The following PGF variants were observed in gnomAD, a reference collection of about 807,000 sequenced individuals.
The protein encoded by PGF is placenta growth factor.
PGF carries 11 observed loss-of-function variants against 25.3 expected under a neutral mutation model. The observed-to-expected ratio is 0.43, with a 90% confidence interval of 0.27 to 0.72. PGF has a LOEUF of 0.72. Among genes scored for constraint, PGF ranks in the 30% least tolerant of loss-of-function variants. The pLI, the probability that PGF is intolerant of heterozygous loss-of-function variation, is 0.18. For missense variants in PGF, 230 were observed against 234.9 expected (o/e 0.98, Z 0.14); for synonymous variants, 105 against 97.9 (o/e 1.07, Z -0.43).
upstream of PGF, chr14:74,955,738 G>A (rs1888978489): frequency 6.6e-6 from 1 of 152,062 alleles, no homozygotes; most frequent in Admixed American, 6.6e-5. This position sits in a 1 kb window ranked among gnomAD's most constrained non-coding sequence, Gnocchi z 4.1. Context: ...CCAGCCCGCA[G>A]CGCCGGAGCC....
intron 4 of PGF, 65 bp downstream of exon 4, chr14:74,948,442 C>T: frequency 9.7e-7 from 1 of 1,033,438 alleles, no homozygotes; most frequent in Non-Finnish European, 1.5e-6. Context: ...TGGGACCCAT[C>T]TTTGCTGAGG....
chr14:74,946,945 G>C (rs1279103170), intron 4 of PGF: 2 of 710,336 alleles, frequency 2.8e-6, no homozygotes, highest in East Asian at 5.0e-5. Flanking sequence ...TCCCAGGGCT[G>C]TGGCTGTTGG....
chr14:74,952,081 G>A (rs1280906217), intron 2 of PGF, among the ~76,000 whole-genome samples: 1 of 151,910 alleles, frequency 6.6e-6, no homozygotes, highest in Non-Finnish European at 1.5e-5. Flanking sequence ...GGGCTGGGTG[G>A]TCCCCAGGGC....
chr14:74,948,859 G>T (rs909227451), intron 3 of PGF, among the ~76,000 whole-genome samples: 5 of 152,160 alleles, frequency 3.3e-5, no homozygotes, highest in African/African-American at 9.7e-5. Context: ...TTCAGATCTT[G>T]ACTCTTTTAC....
Position 74,953,427 on chromosome 14 carries a change from G to C in PGF, c.118+477C>G, listed in dbSNP as rs1888917385. ...GAGGGGCCAGGGAGGGCGCGACTAT[G>C]TTCTGTCTGTTTATAATCAATGGAA... On this transcript the variant is annotated intron_variant, in intron 2 of 6. Transcript: ENST00000555567. The surrounding 1 kb of genome is among the most constrained non-coding windows in gnomAD (Gnocchi z 5.4). 6.6e-6 allele frequency among the ~76,000 whole-genome samples: 1 copy of C among 152,192 alleles called. No homozygotes were observed. Among genetic ancestry groups the C allele is most frequent in the African/African-American group, 2.4e-5 (1 of 41,448 alleles).
Position 74,946,275 on chromosome 14 carries a change from C to G in PGF, c.423G>C (p.Arg141Ser). The G allele has an allele frequency of 3.1e-6, 5 of 1,614,232 alleles. No individual in the cohort carries two copies. The highest frequency in any genetic ancestry group is 4.2e-6 in the Non-Finnish European group (5 of 1,180,028). ...RPLREKMKPERRRPKGRGKRR... is the reference protein window; with the variant it reads ...RPLREKMKPESRRPKGRGKRR... The stretch of plus-strand genomic sequence containing the variant: ...TCTTCCCCCTGCCCTTGGGTCTCCT[C>G]CTGCAATAAGCCAAGCGTCAGGACA... The change falls in exon 6 of 7, where the codon AGG (arginine) becomes AGC (serine). Residue 141 changes from arginine (R) to serine (S), a missense_variant and splice_region_variant. Physicochemically the swap from Arg to Ser is moderately radical, Grantham distance 110 (BLOSUM62 -1). Coordinates refer to ENST00000555567, the MANE Select transcript of PGF (RefSeq NM_002632.6).
chr14:74,954,142 C>T, intron 1 of PGF, 196 bp from the exon 2 acceptor site: 2 of 596,568 alleles, frequency 3.4e-6, no homozygotes, highest in South Asian at 4.0e-5. Flanking sequence ...CCACCCCTCT[C>T]TGGCCTCAGT....
intron 5 of PGF, 39 bp from the exon 6 acceptor site, chr14:74,946,314 A>G (rs1334499739): frequency 8.1e-6 from 13 of 1,613,578 alleles, no homozygotes; most frequent in African/African-American, 1.3e-5. Flanking sequence ...TGGCTGGGGA[A>G]CCCCATGCTA....
Position 74,942,519 on chromosome 14 carries a change from T to G in PGF, c.*187A>C. 3.2e-6 allele frequency: 2 copies of G among 629,278 alleles called. No individual in the cohort carries two copies. The highest frequency in any genetic ancestry group is 5.7e-6 in the Non-Finnish European group (2 of 353,832). 39.0% of individuals were successfully genotyped at this position (629,278 alleles called of 1,614,324 possible). A position where few individuals can be genotyped will look rare whatever the true frequency, so the allele number is the denominator to read the frequency against. ...GGCTGGCTTCTCTCTTTCTCTCACG[T>G]TGTTGAAGGCACTGAATTCCTGAGG... is the stretch of plus-strand genomic sequence containing the variant. On this transcript the variant is annotated 3_prime_UTR_variant, in exon 7 of 7. Transcript: ENST00000555567.
At chr14:74,946,708 T>C in intron 4 of PGF, 1 of 693,612 alleles carries the variant, frequency 1.4e-6, no homozygotes, top group Non-Finnish European at 2.6e-6. Flanking sequence ...TTTCTGTCTG[T>C]TCTCTGTTGC....
intron 2 of PGF, among the ~76,000 whole-genome samples, chr14:74,952,655 A>G (rs1354780932): frequency 6.6e-6 from 1 of 152,168 alleles, no homozygotes; most frequent in African/African-American, 2.4e-5. Context: ...TGGGGTGCAA[A>G]GCTCGTTGTA....
At chr14:74,946,343 C>T (rs374646679) in intron 5 of PGF, 36 bp downstream of exon 5, 1 of 1,613,954 alleles carries the variant, frequency 6.2e-7, no homozygotes, top group African/African-American at 1.3e-5. Flanking sequence ...GCTGGCAGGC[C>T]CGAGAATAGC....
intron 2 of PGF, among the ~76,000 whole-genome samples, chr14:74,951,375 CCTCCCTATCACCAG>C (rs1380019499): frequency 6.6e-6 from 1 of 152,240 alleles, no homozygotes; most frequent in East Asian, 1.9e-4. Flanking sequence ...TCAGAGAGCA[CCTCCCTATCACCAG>C]CTCCTTGAGC....
At chr14:74,947,054 A>G (rs1888755787) in intron 4 of PGF, 1 of 555,218 alleles carries the variant, frequency 1.8e-6, no homozygotes, top group Non-Finnish European at 3.2e-6. Context: ...ATGGGACAGC[A>G]TGGTAGCAGT....
At chr14:74,946,547 G>A in intron 4 of PGF, 139 bp from the exon 5 acceptor site, 4 of 784,666 alleles carry the variant, frequency 5.1e-6, no homozygotes, top group Non-Finnish European at 8.1e-6. Context: ...GGGGTAGCAT[G>A]GAGTTGGCAA....
At chr14:74,944,794 C>A (rs1447012267) in intron 6 of PGF, 1 of 152,156 alleles carries the variant, frequency 6.6e-6, no homozygotes, top group Non-Finnish European at 1.5e-5. Context: ...GCGATCCACT[C>A]GCCTCGGCCT....
intron 4 of PGF, chr14:74,946,984 T>C (rs779701298): frequency 7.6e-6 from 5 of 657,342 alleles, no homozygotes; most frequent in Admixed American, 4.5e-5. Context: ...GGTGTCCCTG[T>C]TGCCTGGCCC....
At chr14:74,949,703 C>T (rs563055104) in intron 2 of PGF, 150 bp from the exon 3 acceptor site, 8 of 506,004 alleles carry the variant, frequency 1.6e-5, no homozygotes, top group African/African-American at 5.9e-5. Context: ...GTGATCCCTC[C>T]GAAATGCCTG....
intron 6 of PGF, among the ~76,000 whole-genome samples, chr14:74,944,361 A>C (rs528490057): frequency 1.6e-4 from 25 of 151,832 alleles, no homozygotes; most frequent in South Asian, 8.3e-4. Context: ...CTTGGCCTCC[A>C]AAAGTGCTGG....
Sources: allele counts gnomAD v4.1 joint callset (sites outside exome capture counted in the v4.1 genomes callset), GRCh38; gene constraint gnomAD v4.1.1; non-coding constraint Gnocchi (gnomAD v3.1); transcripts MANE v1.5; gene names NCBI Gene and HGNC (gene_info 2026-07-23, HGNC 2026-07-21).